Variants in PLCE1 observed in about 807,000 individuals in gnomAD.
The protein encoded by PLCE1 is phospholipase C epsilon 1.
PLCE1 carries 119 observed loss-of-function variants against 242.8 expected under a neutral mutation model. The observed-to-expected ratio is 0.49, with a 90% CI of 0.42 to 0.57. The LOEUF is 0.57. Among genes scored for constraint, PLCE1 ranks in the 20% least tolerant of loss-of-function variants. The pLI, the probability that PLCE1 is intolerant of heterozygous loss-of-function variation, is 0.00. For missense variants in PLCE1, 2,441 were observed against 2,788.8 expected (o/e 0.88, Z 2.81); for synonymous variants, 945 against 1,017.4 (o/e 0.93, Z 1.35).
chr10:94,021,418 C>T (rs1180634674), intron 1 of PLCE1, among the ~76,000 whole-genome samples: 6 of 151,900 alleles, frequency 3.9e-5, no homozygotes, highest in Non-Finnish European at 8.8e-5. Flanking sequence ...CCTATAATCC[C>T]TTATGAATTA....
chr10:94,167,473 GTAGCTGAAAACAAAGCC>G (rs1452535818), intron 3 of PLCE1, among the ~76,000 whole-genome samples: 1 of 151,776 alleles, frequency 6.6e-6, no homozygotes, highest in Non-Finnish European at 1.5e-5. Context: ...CAACATCAGG[GTAGCTGAAAACAAAGCC>G]TGGCACATAG....
intron 2 of PLCE1, among the ~76,000 whole-genome samples, chr10:94,093,212 A>G (rs963042791): frequency 6.6e-6 from 1 of 152,206 alleles, no homozygotes; most frequent in Non-Finnish European, 1.5e-5. Flanking sequence ...TCCCTGCAGT[A>G]CATTATTTAA....
chr10:94,284,039 A>T, intron 21 of PLCE1, 128 bp downstream of exon 21: 1 of 1,100,966 alleles, frequency 9.1e-7, no homozygotes, highest in Non-Finnish European at 1.3e-6. Flanking sequence ...GATACCTGCC[A>T]AAGTTCACTT....
chr10:94,232,908 C>T (rs918562098), intron 5 of PLCE1, among the ~76,000 whole-genome samples: 1 of 152,194 alleles, frequency 6.6e-6, no homozygotes, highest in African/African-American at 2.4e-5. Context: ...CACCAGTTCA[C>T]GTGATCTACA....
chr10:94,063,454 G>C (rs1158724878), intron 2 of PLCE1, among the ~76,000 whole-genome samples: 1 of 152,018 alleles, frequency 6.6e-6, no homozygotes, highest in East Asian at 1.9e-4. Flanking sequence ...CTGGCACATA[G>C]TAGGCATTCT....
intron 1 of PLCE1, among the ~76,000 whole-genome samples, chr10:94,014,813 T>A (rs1283943535): frequency 6.6e-6 from 1 of 152,220 alleles, no homozygotes; most frequent in East Asian, 1.9e-4. Context: ...CTGCTAAAAA[T>A]GCAGATCTCT....
chr10:94,008,980 C>A (rs2061108708), intron 1 of PLCE1, among the ~76,000 whole-genome samples: 1 of 152,082 alleles, frequency 6.6e-6, no homozygotes, highest in African/African-American at 2.4e-5. Context: ...CTGCTCTGGT[C>A]CCATCACCTC....
At position 94,308,630 on chromosome 10, in the gene PLCE1, T is replaced by C. The variant is rs2053283443; in HGVS notation, c.5934T>C (p.Ile1978=). 1 of 1,613,582 alleles carries C rather than the reference T, an allele frequency of 6.2e-7. No individual in the cohort carries two copies. The highest frequency in any genetic ancestry group is 1.7e-5 in the Admixed American group (1 of 60,004). Residue 1978 remains isoleucine (I), a synonymous_variant, in exon 27 of 33, where the codon ATT becomes ATC. Coordinates refer to ENST00000371380, the MANE Select transcript of PLCE1 (RefSeq NM_016341.4). The part of the protein sequence containing the change: ...LRNLHNEVLE[I]SSLFINSRRM... ...ACCTTCACAATGAAGTCTTGGAGAT[T>C]TCTAGTTTATTCATTAACAGCAGAA...
In PLCE1 at chr10:94,265,723, A is replaced by G; in HGVS notation, c.4115+15A>G. 1.2e-6 allele frequency: 2 copies of G among 1,613,824 alleles called. No individual in the cohort carries two copies. Among genetic ancestry groups the G allele is most frequent in the Non-Finnish European group, 1.7e-6 (2 of 1,179,746 alleles). ...GGGTTTGCCAGGTAACTTTTAAAATATCTTTTGCCCATCTTTTAAGAGTAG... is the reference window on the plus strand; with the variant it reads ...GGGTTTGCCAGGTAACTTTTAAAATGTCTTTTGCCCATCTTTTAAGAGTAG... On this transcript the variant is annotated intron_variant, in intron 15 of 32. Coordinates refer to ENST00000371380, the MANE Select transcript of PLCE1 (RefSeq NM_016341.4).
intron 4 of PLCE1, among the ~76,000 whole-genome samples, chr10:94,210,947 A>C (rs1238030141): frequency 6.6e-6 from 1 of 152,196 alleles, no homozygotes; most frequent in East Asian, 1.9e-4. Flanking sequence ...CCCAGTCTGC[A>C]GGGCACAGCT....
chr10:94,160,189 G>T (rs564039198), intron 3 of PLCE1, among the ~76,000 whole-genome samples: 1 of 152,096 alleles, frequency 6.6e-6, no homozygotes, highest in Non-Finnish European at 1.5e-5. Context: ...CTGAGGAATC[G>T]CCACACTAAC....
intron 2 of PLCE1, among the ~76,000 whole-genome samples, chr10:94,124,482 C>G (rs1163412281): frequency 6.6e-6 from 1 of 151,728 alleles, no homozygotes; most frequent in Non-Finnish European, 1.5e-5. Flanking sequence ...AATAACTGGC[C>G]AGCCTCTTCG....
At chr10:94,190,414 G>A (rs750437695) in intron 4 of PLCE1, among the ~76,000 whole-genome samples, 104 of 152,266 alleles carry the variant, frequency 6.8e-4, no homozygotes, top group Non-Finnish European at 1.1e-3. Flanking sequence ...TTTAAGACCA[G>A]CCTGGGAAAA....
chr10:94,237,538 C>T (rs145778839), intron 7 of PLCE1, among the ~76,000 whole-genome samples: 5 of 152,332 alleles, frequency 3.3e-5, no homozygotes, highest in African/African-American at 1.2e-4. Flanking sequence ...GCCCATTTTC[C>T]AAGCCCTGCT....
At chr10:94,132,113 A>T in intron 2 of PLCE1, 61 bp from the exon 3 acceptor site, 1 of 1,536,108 alleles carries the variant, frequency 6.5e-7, no homozygotes. Flanking sequence ...TTTTGTCAAC[A>T]AGTTAATTTG....
At chr10:94,049,467 C>A (rs999661608) in intron 2 of PLCE1, among the ~76,000 whole-genome samples, 5 of 152,152 alleles carry the variant, frequency 3.3e-5, no homozygotes. Flanking sequence ...TCTCTGAGCC[C>A]TTTAATTTAG....
chr10:94,057,228 CA>C (rs1361653349), intron 2 of PLCE1, among the ~76,000 whole-genome samples: 4 of 151,926 alleles, frequency 2.6e-5, no homozygotes, highest in African/African-American at 9.7e-5. Context: ...AGAAATTACC[CA>C]ACAATTTTTA....
At chr10:94,158,687 A>G (rs955108525) in intron 3 of PLCE1, among the ~76,000 whole-genome samples, 1 of 152,032 alleles carries the variant, frequency 6.6e-6, no homozygotes, top group Non-Finnish European at 1.5e-5. Flanking sequence ...AGTCGGGGGA[A>G]AAGTGCACTA....
chr10:94,283,751 T>G, intron 20 of PLCE1, 39 bp from the exon 21 acceptor site: 1 of 1,601,334 alleles, frequency 6.2e-7, no homozygotes, highest in South Asian at 1.1e-5. Context: ...AGTGAAGCAT[T>G]GGGTTCGTTT....
Sources: gnomAD v4.1 joint callset for allele counts (sites outside exome capture counted in the v4.1 genomes callset) on GRCh38, gnomAD v4.1.1 for gene constraint, MANE v1.5 for transcripts, NCBI Gene and HGNC (gene_info 2026-07-23, HGNC 2026-07-21) for gene names.